Variants in IFIH1 observed in about 807,000 individuals in gnomAD.
IFIH1 encodes interferon-induced helicase C domain-containing protein 1.
A neutral mutation model predicts 107.4 loss-of-function variants in IFIH1; 125 were observed. The ratio of observed to expected loss-of-function variants is 1.16; its 90% CI spans 1.01 to 1.35. IFIH1 has a LOEUF of 1.35. Ranked by LOEUF, IFIH1 falls within the 40% of genes most tolerant of loss-of-function variation. IFIH1 has a pLI of 0.00. For synonymous variants in IFIH1, 458 were observed against 413.2 expected, an observed-to-expected ratio of 1.11 and a Z score of -1.31; for missense variants, 1,333 against 1,213.7, an observed-to-expected ratio of 1.10 and a Z score of -1.46.
chr2:162,289,970 T>C (rs917426427), intron 4 of IFIH1, among the ~76,000 whole-genome samples: 17 of 151,940 alleles, frequency 1.1e-4, no homozygotes, highest in Non-Finnish European at 2.1e-4. Context: ...CCTCTGTAGC[T>C]TTCATAGACT....
intron 11 of IFIH1, among the ~76,000 whole-genome samples, chr2:162,274,814 A>G (rs1391206326): frequency 6.6e-6 from 1 of 152,170 alleles, no homozygotes; most frequent in African/African-American, 2.4e-5. Context: ...GCACATCCAC[A>G]CTGTCTATTG....
Position 162,288,259 on chromosome 2 carries a change from T to G in IFIH1, c.971A>C (p.Asn324Thr). 1 of 1,612,868 alleles carries G rather than the reference T, an allele frequency of 6.2e-7. No individual in the cohort carries two copies. Among genetic ancestry groups the G allele is most frequent in the East Asian group, 2.2e-5 (1 of 44,830 alleles). The part of the protein sequence containing the change: ...EVAQPALEGK[N>T]IIICLPTGSG... ...CCCTGTAGGGAGGCAGATGATGATA[T>G]TCTTCCCTTCCAAGGCTGGCTGGGC... The change falls in exon 5 of 16, where the codon AAT becomes ACT. Residue 324 changes from asparagine to threonine, a missense_variant. Asn to Thr is a moderately conservative substitution (Grantham distance 65). Coordinates refer to ENST00000649979, the MANE Select transcript of IFIH1 (RefSeq NM_022168.4).
rs189443152 is a variant in IFIH1, at chr2:162,310,830, C to T, written c.557G>A (p.Arg186His). The change falls in exon 2 of 16, where the codon CGT (arginine) becomes CAT (histidine). Residue 186 changes from arginine to histidine, a missense_variant. Arg to His is a conservative substitution (Grantham distance 29). Coordinates refer to ENST00000649979, the MANE Select transcript of IFIH1 (RefSeq NM_022168.4). Reference sequence around the variant, plus strand: ...GACAAGTTCATTGTTTCCTGTTTGACGAAGAACATTCAGAAATGCAGAGAA... The same window carrying T: ...GACAAGTTCATTGTTTCCTGTTTGATGAAGAACATTCAGAAATGCAGAGAA... ...NWFSAFLNVL[R>H]QTGNNELVQE... 17 of 1,613,676 alleles carry T rather than the reference C, an allele frequency of 1.1e-5. No homozygotes were observed. Among genetic ancestry groups the T allele is most frequent in the East Asian group, 6.7e-5 (3 of 44,834 alleles).
At chr2:162,315,329 A>C (rs1266158699) in intron 1 of IFIH1, among the ~76,000 whole-genome samples, 1 of 152,188 alleles carries the variant, frequency 6.6e-6, no homozygotes, top group Non-Finnish European at 1.5e-5. Flanking sequence ...CTTACTAAAC[A>C]CCAACCCTCT....
chr2:162,316,773 A>G (rs1224524518), intron 1 of IFIH1, among the ~76,000 whole-genome samples: 3 of 152,236 alleles, frequency 2.0e-5, no homozygotes, highest in Non-Finnish European at 2.9e-5. Flanking sequence ...ACGAGCCTGA[A>G]TAAGTCACAT....
chr2:162,273,035 A>C (rs1214391857), intron 12 of IFIH1, among the ~76,000 whole-genome samples: 1 of 152,090 alleles, frequency 6.6e-6, no homozygotes, highest in African/African-American at 2.4e-5. Context: ...TTACAAATAG[A>C]CTCCTGAAAT....
chr2:162,317,070 G>A (rs972568955), intron 1 of IFIH1, among the ~76,000 whole-genome samples: 1 of 150,946 alleles, frequency 6.6e-6, no homozygotes, highest in East Asian at 2.0e-4. Flanking sequence ...TTACCCATTT[G>A]GGCTAAGACT....
Position 162,278,192 on chromosome 2 carries a change from A to G in IFIH1, c.1765+13T>C, listed in dbSNP as rs1682738430. On this transcript the variant is annotated intron_variant, in intron 9 of 15. Transcript: ENST00000649979. ...ATGGGATAAACTAAGTGTTAGGTCC[A>G]AACCTAAATTACCTTTTTTTTCCAT... is the stretch of plus-strand genomic sequence containing the variant. 4 of 1,599,730 alleles carry G rather than the reference A, an allele frequency of 2.5e-6. No individual in the cohort carries two copies. Among genetic ancestry groups the G allele is most frequent in the Non-Finnish European group, 3.4e-6 (4 of 1,175,294 alleles).
At chr2:162,314,346 C>T (rs959138196) in intron 1 of IFIH1, among the ~76,000 whole-genome samples, 1 of 150,850 alleles carries the variant, frequency 6.6e-6, no homozygotes, top group African/African-American at 2.5e-5. Context: ...ATTCTTCTTT[C>T]CTTCCTTCCT....
At chr2:162,309,872 A>T (rs1366679466) in intron 2 of IFIH1, among the ~76,000 whole-genome samples, 1 of 152,242 alleles carries the variant, frequency 6.6e-6, no homozygotes, top group Non-Finnish European at 1.5e-5. Flanking sequence ...CAAATATCCA[A>T]ATCCATTACT....
chr2:162,284,091 G>A (rs1416868656), intron 5 of IFIH1, among the ~76,000 whole-genome samples: 4 of 151,788 alleles, frequency 2.6e-5, no homozygotes, highest in African/African-American at 9.7e-5. Context: ...TGAATCTAGG[G>A]ACAATCTCTG....
intron 5 of IFIH1, among the ~76,000 whole-genome samples, chr2:162,285,836 G>A (rs767882247): frequency 1.3e-5 from 2 of 151,906 alleles, no homozygotes; most frequent in Non-Finnish European, 2.9e-5. Flanking sequence ...AATAGTTAAA[G>A]AAATAAACCT....
chr2:162,269,374 A>G (rs1375007661), intron 13 of IFIH1, among the ~76,000 whole-genome samples: 1 of 152,226 alleles, frequency 6.6e-6, no homozygotes, highest in Non-Finnish European at 1.5e-5. Flanking sequence ...CCAATGCTAT[A>G]ACAGCATAAA....
intron 13 of IFIH1, among the ~76,000 whole-genome samples, chr2:162,271,225 A>G (rs1183636371): frequency 6.6e-6 from 1 of 152,126 alleles, no homozygotes; most frequent in African/African-American, 2.4e-5. Flanking sequence ...ACTCCTTCTA[A>G]GAGACCTTCC....
intron 1 of IFIH1, among the ~76,000 whole-genome samples, chr2:162,314,436 C>CT (rs1236210260): frequency 6.4e-4 from 61 of 95,318 alleles, no homozygotes; most frequent in Non-Finnish European, 9.3e-4. Flanking sequence ...TTCTTTCTTT[C>CT]TTTCTTTCTT....
At chr2:162,303,002 T>C (rs1683218079) in intron 3 of IFIH1, among the ~76,000 whole-genome samples, 1 of 152,236 alleles carries the variant, frequency 6.6e-6, no homozygotes, top group Non-Finnish European at 1.5e-5. Context: ...GACTATTATA[T>C]ATTTTAATAC....
intron 1 of IFIH1, among the ~76,000 whole-genome samples, chr2:162,314,416 T>TTTCTTTTCCTTC (rs71009355): frequency 1.9e-5 from 1 of 51,444 alleles, no homozygotes; most frequent in Non-Finnish European, 3.4e-5. Flanking sequence ...TCTTTCTTTC[T>TTTCTTTTCCTTC]TTTCTTTCTT....
chr2:162,267,799 G>T (rs1219760512), intron 14 of IFIH1, among the ~76,000 whole-genome samples: 2 of 152,182 alleles, frequency 1.3e-5, no homozygotes, highest in East Asian at 1.9e-4. Flanking sequence ...AAGTCTGTTG[G>T]TTATATTAAC....
At position 162,273,936 on chromosome 2, in the gene IFIH1, T is replaced by G; in HGVS notation, c.2313A>C (p.Gln771His). Residue 771 changes from glutamine (Q) to histidine (H), a missense_variant, in exon 12 of 16, where the codon CAA becomes CAC. Gln to His is a conservative substitution (Grantham distance 24). Transcript: ENST00000649979. ...SEFKPMTQNE[Q>H]KEVISKFRTG... ...TGCGAAATTTACTAATGACTTCTTT[T>G]TGTTCATTCTGTAGAAACATTTTAA... 11 of 1,595,424 alleles carry G rather than the reference T, an allele frequency of 6.9e-6. No individual in the cohort carries two copies. The highest frequency in any genetic ancestry group is 9.4e-6 in the Non-Finnish European group (11 of 1,165,920).
Sources: gnomAD v4.1 joint callset for allele counts (sites outside exome capture counted in the v4.1 genomes callset) on GRCh38, gnomAD v4.1.1 for gene constraint, MANE v1.5 for transcripts, NCBI Gene and HGNC (gene_info 2026-07-23, HGNC 2026-07-21) for gene names.